The following SCG3 variants were observed in gnomAD, a reference collection of about 807,000 sequenced individuals.
SCG3 encodes secretogranin III, also known as secretogranin-3.
In SCG3, 38 loss-of-function variants were observed where a neutral mutation model predicts 56.2. The ratio of observed to expected loss-of-function variants is 0.68; its 90% CI spans 0.52 to 0.89. SCG3 has a LOEUF of 0.89. Ranked by LOEUF, SCG3 falls within the 40% of genes least tolerant of loss-of-function variation. The pLI, the probability that SCG3 is intolerant of heterozygous loss-of-function variation, is 0.00. For missense variants in SCG3, 524 were observed against 540.7 expected, an observed-to-expected ratio of 0.97 and a Z score of 0.31; for synonymous variants, 176 against 184.2, an observed-to-expected ratio of 0.96 and a Z score of 0.36.
intron 10 of SCG3, among the ~76,000 whole-genome samples, chr15:51,705,544 CAG>C (rs1215374949): frequency 1.3e-5 from 2 of 149,620 alleles, no homozygotes; most frequent in Non-Finnish European, 3.0e-5. Flanking sequence ...TTTCCCGAGA[CAG>C]AGTCTCTATC....
At chr15:51,694,720 AGAATG>A (rs2055291156) in intron 7 of SCG3, among the ~76,000 whole-genome samples, 1 of 152,236 alleles carries the variant, frequency 6.6e-6, no homozygotes, top group African/African-American at 2.4e-5. Context: ...GATGCAGAAC[AGAATG>A]TCAAATACAA....
chr15:51,689,398 GGGGT>G (rs68133708), intron 6 of SCG3, 30 bp downstream of exon 6: 252,882 of 876,868 alleles, frequency 0.29, 17,174 homozygotes, highest in East Asian at 0.47. Context: ...CATATGCATG[GGGGT>G]GTGTGTGTGT....
chr15:51,713,451 C>A, intron 11 of SCG3, 38 bp downstream of exon 11: 2 of 1,338,418 alleles, frequency 1.5e-6, no homozygotes, highest in Admixed American at 2.2e-5. Flanking sequence ...AAACTTCACC[C>A]ATTTGTCAGG....
At chr15:51,715,862 T>C (rs1595842888) in intron 11 of SCG3, among the ~76,000 whole-genome samples, 1 of 127,442 alleles carries the variant, frequency 7.8e-6, no homozygotes. Context: ...GAGTCTGCAC[T>C]TTTTTTTTTT....
intron 7 of SCG3, among the ~76,000 whole-genome samples, chr15:51,695,044 A>AT (rs1341342446): frequency 2.6e-4 from 40 of 151,938 alleles, no homozygotes; most frequent in Non-Finnish European, 5.0e-4. Flanking sequence ...AAAAAAAAAA[A>AT]AGAAAAAAGG....
chr15:51,716,165 G>A (rs1208599033), intron 11 of SCG3, among the ~76,000 whole-genome samples: 1 of 152,124 alleles, frequency 6.6e-6, no homozygotes, highest in African/African-American at 2.4e-5. Flanking sequence ...CAAGGCAGTG[G>A]TTTTCAAACT....
At chr15:51,705,539 C>T (rs1269463339) in intron 10 of SCG3, among the ~76,000 whole-genome samples, 1 of 149,932 alleles carries the variant, frequency 6.7e-6, no homozygotes, top group Non-Finnish European at 1.5e-5. Flanking sequence ...TTTTTTTTCC[C>T]GAGACAGAGT....
In SCG3 at chr15:51,689,384, T is replaced by C; in HGVS notation, c.690+16T>C. The C allele has an allele frequency of 1.3e-6, 2 of 1,598,666 alleles. No individual in the cohort carries two copies. Among genetic ancestry groups the C allele is most frequent in the Non-Finnish European group, 1.7e-6 (2 of 1,172,962 alleles). On this transcript the variant is annotated intron_variant, in intron 6 of 11. Coordinates refer to ENST00000220478, the MANE Select transcript of SCG3 (RefSeq NM_013243.4). ...AGAGAAAGTGGTATGTATGTGTATA[T>C]ATGCATATGCATGGGGGTGTGTGTG...
At chr15:51,708,367 A>G (rs989244476) in intron 10 of SCG3, 4 of 152,224 alleles carry the variant, frequency 2.6e-5, no homozygotes, top group Admixed American at 2.6e-4. Context: ...TGCTCTTGTA[A>G]GCGTGTGGAG....
chr15:51,687,351 T>C (rs2055235674), intron 4 of SCG3, among the ~76,000 whole-genome samples: 1 of 152,186 alleles, frequency 6.6e-6, no homozygotes, highest in African/African-American at 2.4e-5. Context: ...ACAGGGAGAA[T>C]TAAGTGCATT....
intron 10 of SCG3, among the ~76,000 whole-genome samples, chr15:51,712,142 G>A (rs1193947903): frequency 1.3e-5 from 2 of 152,190 alleles, no homozygotes; most frequent in Admixed American, 1.3e-4. Context: ...TCAAAAAGTT[G>A]TCGTGAAGAA....
chr15:51,709,813 C>T (rs1284470939), intron 10 of SCG3, among the ~76,000 whole-genome samples: 5 of 137,540 alleles, frequency 3.6e-5, no homozygotes, highest in South Asian at 2.4e-4. Flanking sequence ...CTCCGCCTCC[C>T]GGGTTCATGC....
chr15:51,691,829 A>C (rs2055268731), intron 6 of SCG3, among the ~76,000 whole-genome samples: 1 of 152,170 alleles, frequency 6.6e-6, no homozygotes, highest in African/African-American at 2.4e-5. Context: ...TCTTCATTAA[A>C]AGGCAGTTTT....
intron 11 of SCG3, among the ~76,000 whole-genome samples, chr15:51,714,316 G>A (rs1032436166): frequency 1.3e-5 from 2 of 152,182 alleles, no homozygotes; most frequent in Non-Finnish European, 2.9e-5. Context: ...CCATCTGGCA[G>A]CAGTGTGACT....
chr15:51,698,390 C>A (rs941185941), intron 8 of SCG3, among the ~76,000 whole-genome samples: 1 of 152,016 alleles, frequency 6.6e-6, no homozygotes, highest in Non-Finnish European at 1.5e-5. Flanking sequence ...TGATGCTACT[C>A]CAAAGAGTAG....
intron 5 of SCG3, among the ~76,000 whole-genome samples, chr15:51,688,674 G>T (rs2055245889): frequency 6.6e-6 from 1 of 152,178 alleles, no homozygotes; most frequent in South Asian, 2.1e-4. Flanking sequence ...TGGCAGTAAG[G>T]AAAGGCTTCA....
intron 4 of SCG3, among the ~76,000 whole-genome samples, chr15:51,683,793 C>T (rs997653705): frequency 1.3e-5 from 2 of 152,104 alleles, no homozygotes; most frequent in African/African-American, 2.4e-5. Flanking sequence ...CCACCCTGCA[C>T]AAAAAAGGTG....
intron 10 of SCG3, among the ~76,000 whole-genome samples, chr15:51,708,607 G>A (rs1326146326): frequency 1.3e-5 from 2 of 152,212 alleles, no homozygotes; most frequent in African/African-American, 2.4e-5. Context: ...TGTCATCCCA[G>A]CACTTTGGGT....
chr15:51,701,194 C>T lies in SCG3; in HGVS notation c.1157C>T (p.Ser386Phe), dbSNP rs181069756. Residue 386 changes from serine (S) to phenylalanine (F), a missense_variant, in exon 10 of 12, where the codon TCC (serine) becomes TTC (phenylalanine). Transcript: ENST00000220478. Reference protein sequence around the residue: ...MEKEYGSLKDSTKDDNSNPGG... With the variant: ...MEKEYGSLKDFTKDDNSNPGG... ...AAGGAATATGGAAGCTTGAAGGATTCCACAAAAGATGATAACTCCAACCCA... is the reference window on the plus strand; with the variant it reads ...AAGGAATATGGAAGCTTGAAGGATTTCACAAAAGATGATAACTCCAACCCA... 2.7e-5 allele frequency: 44 copies of T among 1,612,230 alleles called. No individual in the cohort carries two copies. Among genetic ancestry groups the T allele is most frequent in the Non-Finnish European group, 3.6e-5 (43 of 1,179,306 alleles).
Sources: gnomAD v4.1 joint callset for allele counts (sites outside exome capture counted in the v4.1 genomes callset) on GRCh38, gnomAD v4.1.1 for gene constraint, MANE v1.5 for transcripts, NCBI Gene and HGNC (gene_info 2026-07-23, HGNC 2026-07-21) for gene names.